Variants in GNL3L observed in about 807,000 individuals in gnomAD.
GNL3L encodes the protein guanine nucleotide-binding protein-like 3-like protein.
A neutral mutation model predicts 42.9 loss-of-function variants in GNL3L; 4 were observed. That is an observed-to-expected ratio of 0.09 (90% CI 0.05 to 0.21). GNL3L has a LOEUF of 0.21. GNL3L is among the 10% of genes least tolerant of loss of function. GNL3L has a pLI of 1.00. For missense variants in GNL3L, 412 were observed against 481.7 expected, an observed-to-expected ratio of 0.86 and a Z score of 1.36; for synonymous variants, 159 against 176.3, an observed-to-expected ratio of 0.90 and a Z score of 0.78.
downstream of GNL3L, among the ~76,000 whole-genome samples, chrX:54,569,655 C>T (rs1426562392): frequency 1.8e-5 from 2 of 111,631 alleles, no homozygotes; most frequent in Non-Finnish European, 3.8e-5. Flanking sequence ...GCCTTTTTCC[C>T]CTTGATCATC....
At chrX:54,594,555 A>T (rs567899348) in intron 16 of GNL3L, among the ~76,000 whole-genome samples, 1,684 of 97,995 alleles carry the variant, frequency 0.017, 14 homozygotes, top group African/African-American at 0.032. Context: ...TTTTTTTTTT[A>T]AAAAAAAATC....
chrX:54,543,941 T>C, intron 7 of GNL3L: 2 of 271,879 alleles, frequency 7.4e-6, no homozygotes, highest in Non-Finnish European at 1.3e-5. Context: ...TCTCTGATGC[T>C]CCTGGCGCTG....
At chrX:54,546,449 C>G (rs1337155029) in intron 8 of GNL3L, among the ~76,000 whole-genome samples, 1 of 111,110 alleles carries the variant, frequency 9.0e-6, no homozygotes, top group East Asian at 2.8e-4. Context: ...CATAGCCTTT[C>G]TGCATTTTAC....
chrX:54,531,201 C>T (rs912259006), intron 1 of GNL3L, among the ~76,000 whole-genome samples: 2 of 111,874 alleles, frequency 1.8e-5, no homozygotes, highest in African/African-American at 6.5e-5. Flanking sequence ...TAGAGGGGCT[C>T]AGATGTGTTC....
chrX:54,572,462 C>A (rs761282766), intron 16 of GNL3L, among the ~76,000 whole-genome samples: 1 of 111,839 alleles, frequency 8.9e-6, no homozygotes, highest in African/African-American at 3.2e-5. Flanking sequence ...ACCTTTCCCC[C>A]CTTTCTATTC....
At chrX:54,572,686 A>ACC (rs1173177564) in intron 16 of GNL3L, among the ~76,000 whole-genome samples, 26 of 96,977 alleles carry the variant, frequency 2.7e-4, no homozygotes, top group South Asian at 9.6e-4. Context: ...CGGGGGGCTG[A>ACC]CCCCCCCCAC....
In GNL3L at chrX:54,537,078, A is replaced by G. The variant is rs896049023; in HGVS notation, c.20-1962A>G. Among the ~76,000 whole-genome samples, 7 of 102,691 alleles carry G rather than the reference A, an allele frequency of 6.8e-5. No homozygotes were observed. In the South Asian group the frequency reaches 3.3e-3, roughly 48 times the overall value. 89.2% of individuals were successfully genotyped at this position (102,691 alleles called of 115,157 possible). A position where few individuals can be genotyped will look rare whatever the true frequency, so the allele number is the denominator to read the frequency against. ...GTCTCTGTTGTCCAGGCTGGAGTGC[A>G]ATGGTGCCATCATAGCTCATTATAA... On this transcript the variant is annotated intron_variant, in intron 2 of 15. Coordinates refer to ENST00000360845, the MANE Select transcript of GNL3L (RefSeq NM_001184819.2).
intron 14 of GNL3L, among the ~76,000 whole-genome samples, chrX:54,557,508 C>T (rs1311541697): frequency 9.0e-6 from 1 of 111,163 alleles, no homozygotes; most frequent in East Asian, 2.9e-4. Flanking sequence ...AGTCTTGGCT[C>T]ACTGCAACCT....
intron 16 of GNL3L, among the ~76,000 whole-genome samples, chrX:54,614,932 C>T (rs5914146): frequency 0.24 from 26,654 of 110,389 alleles, 3,147 homozygotes; most frequent in African/African-American, 0.44. Context: ...GCCCTCCGTC[C>T]GCCATGATTG....
the GNL3L span, among the ~76,000 whole-genome samples, chrX:54,642,099 C>G: frequency 3.6e-5 from 4 of 111,391 alleles, no homozygotes; most frequent in African/African-American, 1.3e-4. Context: ...GGTTTCTGTT[C>G]CTTGCATCCA....
At chrX:54,540,750 C>T (rs1007743422) in intron 4 of GNL3L, among the ~76,000 whole-genome samples, 7 of 110,840 alleles carry the variant, frequency 6.3e-5, no homozygotes, top group African/African-American at 2.0e-4. Context: ...CTCTACCTCC[C>T]GGGTTCAAGC....
intron 16 of GNL3L, among the ~76,000 whole-genome samples, chrX:54,587,646 C>T (rs1426919093): frequency 9.2e-6 from 1 of 108,725 alleles, no homozygotes; most frequent in Non-Finnish European, 1.9e-5. Flanking sequence ...ATCTGAGTGT[C>T]AATTTTTGGA....
intron 16 of GNL3L, among the ~76,000 whole-genome samples, chrX:54,580,926 G>A (rs982931053): frequency 3.6e-5 from 4 of 111,246 alleles, no homozygotes; most frequent in Non-Finnish European, 5.7e-5. Context: ...GACTACAGGC[G>A]CGTGCCACCA....
Position 54,562,701 on chromosome X carries a change from G to A in GNL3L, c.*2099G>A, listed in dbSNP as rs138132808. Among the ~76,000 whole-genome samples the A allele has an allele frequency of 3.7e-4, 41 of 110,270 alleles. No individual in the cohort carries two copies. Among genetic ancestry groups the A allele is most frequent in the African/African-American group, 1.3e-3 (38 of 30,311 alleles). On this transcript the variant is annotated 3_prime_UTR_variant, in exon 16 of 16. Transcript: ENST00000360845. The stretch of plus-strand genomic sequence containing the variant: ...CCAGTTATGCAGGAGGCTGAGGCAG[G>A]AGAATCACTTGATCTCAGGAGGCGG...
the GNL3L span, among the ~76,000 whole-genome samples, chrX:54,630,701 T>TTC: frequency 0.16 from 3,182 of 20,373 alleles, 189 homozygotes; most frequent in East Asian, 0.23. Flanking sequence ...TTCCTTCCTT[T>TTC]CTTTCTTTTT....
chrX:54,576,718 G>A lies in GNL3L; in HGVS notation c.*45+16071G>A, dbSNP rs181479615. Among the ~76,000 whole-genome samples the A allele has an allele frequency of 4.8e-3, 529 of 110,776 alleles. 5 individuals carry two copies. Among genetic ancestry groups the A allele is most frequent in the Non-Finnish European group, 8.4e-3 (443 of 52,942 alleles). ...TGACCTTAAGTGATCCACCTGCCTCGGCCTCCCAAGGTACTGGGATTACAG... is the reference window on the plus strand; with the variant it reads ...TGACCTTAAGTGATCCACCTGCCTCAGCCTCCCAAGGTACTGGGATTACAG... On this transcript the variant is annotated intron_variant, in intron 16 of 16. Transcript: ENST00000674498.
At chrX:54,544,010 CAG>C (rs900831856) in intron 7 of GNL3L, 1 of 342,331 alleles carries the variant, frequency 2.9e-6, no homozygotes, top group Non-Finnish European at 5.1e-6. Flanking sequence ...CCTGAGGGAA[CAG>C]AGGCCCCTTC....
rs377710611 is a variant in GNL3L at position 54,552,007 on chromosome X, C to T, written c.1181+33C>T. On this transcript the variant is annotated intron_variant, in intron 12 of 15. Coordinates refer to ENST00000360845, the MANE Select transcript of GNL3L (RefSeq NM_001184819.2). ...GGGGGTTAGGGGTAAGGGTGAGGCC[C>T]GCTGGCAGCCTGGCTCCCCAAAGGG... The T allele has an allele frequency of 2.9e-5, 35 of 1,188,096 alleles. No homozygotes were observed. The Middle Eastern group carries it at 7.3e-4, about 25-fold the overall frequency.
Position 54,605,150 on chromosome X carries a change from C to T in GNL3L, c.*46-15695C>T, listed in dbSNP as rs369025272. On this transcript the variant is annotated intron_variant, in intron 16 of 16. Coordinates refer to the GNL3L transcript ENST00000674498. Reference sequence around the variant, plus strand: ...AAAACCAGGTCCTGTGAAAGGGATTCTATCAGGTGTGACCCATTGAATAAA... The same window carrying T: ...AAAACCAGGTCCTGTGAAAGGGATTTTATCAGGTGTGACCCATTGAATAAA... Among the ~76,000 whole-genome samples, 6 of 111,625 alleles carry T rather than the reference C, an allele frequency of 5.4e-5. No individual in the cohort carries two copies. The South Asian group carries it at 2.3e-3, about 43-fold the overall frequency.
Sources: allele counts gnomAD v4.1 joint callset (sites outside exome capture counted in the v4.1 genomes callset), GRCh38; gene constraint gnomAD v4.1.1; transcripts MANE v1.5; gene names NCBI Gene and HGNC (gene_info 2026-07-23, HGNC 2026-07-21).